CDH4: variants seen among roughly 807,000 people sequenced by gnomAD.
CDH4 encodes the protein cadherin-4.
Under a neutral mutation model 86.0 loss-of-function variants are expected in CDH4, and 33 were observed. The observed-to-expected ratio is 0.38, with a 90% confidence interval of 0.29 to 0.51. CDH4 has a LOEUF of 0.51. CDH4 is among the 20% of genes least tolerant of loss of function. The pLI is 0.86. For synonymous variants in CDH4, 555 were observed against 549.4 expected (o/e 1.01, Z -0.14); for missense variants, 1,114 against 1,307.4 (o/e 0.85, Z 2.28).
intron 6 of CDH4, among the ~76,000 whole-genome samples, chr20:61,865,053 G>A (rs1050133230): frequency 6.6e-6 from 1 of 152,128 alleles, no homozygotes; most frequent in Admixed American, 6.5e-5. Flanking sequence ...CAATCTGTGT[G>A]CGCCCAGACC....
chr20:61,517,700 G>A lies in CDH4; in HGVS notation c.170-225863G>A, dbSNP rs968154784. On this transcript the variant is annotated intron_variant, in intron 2 of 15. Transcript: ENST00000614565. This position sits in a 1 kb window ranked among gnomAD's most constrained non-coding sequence, Gnocchi z 6.6. ...AGGGAATGAACAAGGAGGGGTTGTC[G>A]GACGTGTTCAGGACAGGAACAGCAC... Among the ~76,000 whole-genome samples the A allele has an allele frequency of 1.1e-4, 16 of 152,142 alleles. No individual in the cohort carries two copies. Among genetic ancestry groups the A allele is most frequent in the African/African-American group, 2.4e-4 (10 of 41,438 alleles).
intron 2 of CDH4, among the ~76,000 whole-genome samples, chr20:61,595,712 G>T (rs76752487): frequency 0.058 from 8,813 of 152,244 alleles, 473 homozygotes; most frequent in African/African-American, 0.13. Flanking sequence ...ACTAGAGGCG[G>T]CCCGTCTGTC....
intron 2 of CDH4, among the ~76,000 whole-genome samples, chr20:61,487,495 A>C (rs1377939046): frequency 1.3e-5 from 2 of 152,212 alleles, no homozygotes; most frequent in African/African-American, 2.4e-5. Flanking sequence ...CAGCCTCTGA[A>C]TACATGAGAG....
chr20:61,843,657 C>T (rs1211305147), intron 4 of CDH4, among the ~76,000 whole-genome samples: 1 of 149,504 alleles, frequency 6.7e-6, no homozygotes, highest in Non-Finnish European at 1.5e-5. Flanking sequence ...TGCCCTACTG[C>T]ACTCCAGGTG....
At chr20:61,346,424 G>A (rs558401591) in intron 2 of CDH4, among the ~76,000 whole-genome samples, 11 of 152,284 alleles carry the variant, frequency 7.2e-5, no homozygotes, top group Non-Finnish European at 1.3e-4. Context: ...GAGCAGGAAC[G>A]TGCTGTTGGA....
chr20:61,314,960 A>AT (rs1157145575), intron 2 of CDH4, among the ~76,000 whole-genome samples: 1 of 152,082 alleles, frequency 6.6e-6, no homozygotes, highest in Non-Finnish European at 1.5e-5. Flanking sequence ...TCCTCTGCTA[A>AT]TTTTTTTATT....
intron 2 of CDH4, among the ~76,000 whole-genome samples, chr20:61,726,780 C>T (rs1340798233): frequency 2.0e-5 from 3 of 150,754 alleles, no homozygotes; most frequent in African/African-American, 4.9e-5. Flanking sequence ...CCATTGCTGC[C>T]ATCATCGTCA....
At chr20:61,538,055 T>A (rs965009046) in intron 2 of CDH4, among the ~76,000 whole-genome samples, 6 of 152,160 alleles carry the variant, frequency 3.9e-5, no homozygotes, top group African/African-American at 1.4e-4. Context: ...TGCTTAATTA[T>A]GTACAAAGCC....
rs1393514593 is a variant in CDH4, at chr20:61,486,257, G to T, written c.169+231320G>T. 3.9e-5 allele frequency among the ~76,000 whole-genome samples: 6 copies of T among 152,368 alleles called. No individual in the cohort carries two copies. The East Asian group carries it at 1.2e-3, about 29-fold the overall frequency. ...CACAGTTCTACAAACAGATCTGTGT[G>T]CACAGCAGCCCTGAAGCTCAGCATC... On this transcript the variant is annotated intron_variant, in intron 2 of 15. Transcript: ENST00000614565.
intron 8 of CDH4, among the ~76,000 whole-genome samples, chr20:61,898,932 G>T (rs993825174): frequency 3.9e-5 from 6 of 152,144 alleles, no homozygotes; most frequent in African/African-American, 9.7e-5. Context: ...GTCCCGTCTC[G>T]GTCTTTCATA....
At chr20:61,695,461 G>A (rs1439026959) in intron 2 of CDH4, among the ~76,000 whole-genome samples, 1 of 152,208 alleles carries the variant, frequency 6.6e-6, no homozygotes, top group Non-Finnish European at 1.5e-5. Context: ...GTCTAGGGGT[G>A]CCCAGCAAGC....
intron 6 of CDH4, among the ~76,000 whole-genome samples, 167 bp downstream of exon 6, chr20:61,853,065 C>T (rs1387960146): frequency 6.6e-6 from 1 of 152,218 alleles, no homozygotes; most frequent in Non-Finnish European, 1.5e-5. Context: ...CCCCTGCTCT[C>T]ACAGGCCTTG....
At chr20:61,426,048 G>A (rs1383104060) in intron 2 of CDH4, among the ~76,000 whole-genome samples, 2 of 152,204 alleles carry the variant, frequency 1.3e-5, no homozygotes, top group African/African-American at 2.4e-5. Context: ...GTGAGACCAC[G>A]GGGAGATTTG....
At chr20:61,778,719 G>A (rs1978377236) in intron 4 of CDH4, among the ~76,000 whole-genome samples, 1 of 152,134 alleles carries the variant, frequency 6.6e-6, no homozygotes, top group South Asian at 2.1e-4. Context: ...GCAGAGGAGG[G>A]AGGAAGCCGC....
chr20:61,264,197 C>T (rs1568772562), intron 2 of CDH4, among the ~76,000 whole-genome samples: 1 of 152,162 alleles, frequency 6.6e-6, no homozygotes, highest in Non-Finnish European at 1.5e-5. Flanking sequence ...TTCCCACTGG[C>T]TTCCGCACAC....
chr20:61,384,226 A>T lies in CDH4; in HGVS notation c.169+129289A>T, dbSNP rs1354228136. 3.9e-5 allele frequency among the ~76,000 whole-genome samples: 6 copies of T among 152,224 alleles called. No individual in the cohort carries two copies. In the South Asian group the frequency reaches 8.3e-4, roughly 21 times the overall value. ...CCTCACAGACATACCCAGGATCAGT[A>T]CTTTGTATCCTTCAATCCAACTAGG... is the stretch of plus-strand genomic sequence containing the variant. On this transcript the variant is annotated intron_variant, in intron 2 of 15. Transcript: ENST00000614565.
chr20:61,734,976 GT>G (rs2088243367), intron 2 of CDH4, among the ~76,000 whole-genome samples: 2 of 151,488 alleles, frequency 1.3e-5, no homozygotes, highest in African/African-American at 2.4e-5. Context: ...CAGGCGCCTG[GT>G]GATGGCTGTT....
intron 2 of CDH4, among the ~76,000 whole-genome samples, chr20:61,571,655 T>C (rs1450180883): frequency 6.6e-6 from 1 of 152,140 alleles, no homozygotes; most frequent in African/African-American, 2.4e-5. Flanking sequence ...CTGAAGGACC[T>C]TCTATAGGAG....
intron 7 of CDH4, among the ~76,000 whole-genome samples, chr20:61,875,710 C>A (rs961268436): frequency 2.0e-5 from 3 of 152,204 alleles, no homozygotes; most frequent in Non-Finnish European, 4.4e-5. Context: ...TGGCCATGAA[C>A]CAGCGCCCGC....
Sources: gnomAD v4.1 joint callset for allele counts (sites outside exome capture counted in the v4.1 genomes callset) on GRCh38, gnomAD v4.1.1 for gene constraint, Gnocchi (gnomAD v3.1) non-coding constraint, MANE v1.5 for transcripts, NCBI Gene and HGNC (gene_info 2026-07-23, HGNC 2026-07-21) for gene names.